Variants in THSD4 observed in about 807,000 individuals in gnomAD.
The protein encoded by THSD4 is thrombospondin type 1 domain containing 4.
A neutral mutation model predicts 119.0 loss-of-function variants in THSD4; 69 were observed. The ratio of observed to expected loss-of-function variants is 0.58; its 90% CI spans 0.48 to 0.71. The LOEUF is 0.71. Among genes scored for constraint, THSD4 ranks in the 30% least tolerant of loss-of-function variants. THSD4 has a pLI of 0.00. For missense variants in THSD4, 1,393 were observed against 1,391.1 expected, an observed-to-expected ratio of 1.00 and a Z score of -0.02; for synonymous variants, 524 against 540.4, an observed-to-expected ratio of 0.97 and a Z score of 0.42.
intron 7 of THSD4, among the ~76,000 whole-genome samples, chr15:71,649,733 T>G (rs928893571): frequency 1.3e-5 from 2 of 152,220 alleles, no homozygotes; most frequent in Non-Finnish European, 2.9e-5. Context: ...TTTGGCAGTT[T>G]GGGGTTTTAC....
chr15:71,538,067 CT>C (rs1306431563), intron 7 of THSD4, among the ~76,000 whole-genome samples: 22 of 152,120 alleles, frequency 1.4e-4, no homozygotes, highest in Middle Eastern at 6.8e-3. Context: ...GCCTATTTGT[CT>C]TTTAATTCTG....
intron 6 of THSD4, among the ~76,000 whole-genome samples, chr15:71,381,762 T>C (rs935286402): frequency 6.6e-6 from 1 of 152,230 alleles, no homozygotes. Context: ...GCTGCCGTAT[T>C]AGATTTTTAG....
intron 1 of THSD4, among the ~76,000 whole-genome samples, chr15:71,140,031 T>G (rs893813682): frequency 2.6e-5 from 4 of 152,362 alleles, no homozygotes; most frequent in Middle Eastern, 3.4e-3. Context: ...TTTTAGAAAT[T>G]TTGTTTAGTG....
intron 8 of THSD4, among the ~76,000 whole-genome samples, chr15:71,697,783 T>C (rs1425360660): frequency 2.0e-5 from 3 of 152,252 alleles, no homozygotes; most frequent in Non-Finnish European, 4.4e-5. Flanking sequence ...GGAGATGTTA[T>C]TGGTTATTTG....
rs1025505481 is a variant in THSD4, at chr15:71,378,315, A to G, written c.1016-33372A>G. The stretch of plus-strand genomic sequence containing the variant: ...ATGCCTTCACTATTCTTGTAAAGGC[A>G]TGATGAAAGTGGCCTGGAGAGCTCC... On this transcript the variant is annotated intron_variant, in intron 6 of 17. Coordinates refer to ENST00000261862, the MANE Select transcript of THSD4 (RefSeq NM_024817.3). Among the ~76,000 whole-genome samples, 6 of 152,206 alleles carry G rather than the reference A, an allele frequency of 3.9e-5. No individual in the cohort carries two copies. In the South Asian group the frequency reaches 1.2e-3, roughly 31 times the overall value.
chr15:71,550,141 C>A (rs1380516445), intron 7 of THSD4, among the ~76,000 whole-genome samples: 1 of 152,176 alleles, frequency 6.6e-6, no homozygotes, highest in East Asian at 1.9e-4. Flanking sequence ...TGGGGCGTAT[C>A]CCCGAAAAGA....
chr15:71,304,758 C>G (rs917263172), intron 6 of THSD4, among the ~76,000 whole-genome samples: 2 of 152,152 alleles, frequency 1.3e-5, no homozygotes, highest in African/African-American at 4.8e-5. Flanking sequence ...CAAAAAGTAA[C>G]CAAAATGTGT....
At chr15:71,261,715 A>G (rs1167437612) in intron 6 of THSD4, among the ~76,000 whole-genome samples, 1 of 152,222 alleles carries the variant, frequency 6.6e-6, no homozygotes, top group Non-Finnish European at 1.5e-5. Context: ...TACCAAAATC[A>G]GTGCATACTT....
intron 6 of THSD4, among the ~76,000 whole-genome samples, chr15:71,358,465 C>T (rs1191060109): frequency 1.3e-5 from 2 of 152,210 alleles, no homozygotes; most frequent in Non-Finnish European, 2.9e-5. Flanking sequence ...ATAGGACTGA[C>T]CTGTCCTCAT....
intron 6 of THSD4, 112 bp downstream of exon 6, chr15:71,256,827 A>G: frequency 1.1e-6 from 1 of 939,844 alleles, no homozygotes; most frequent in Non-Finnish European, 1.6e-6. Context: ...GGGTGTCAAT[A>G]GGGGAGAAAG....
intron 7 of THSD4, among the ~76,000 whole-genome samples, chr15:71,432,498 A>G (rs1478554445): frequency 6.7e-6 from 1 of 149,812 alleles, no homozygotes; most frequent in African/African-American, 2.4e-5. Flanking sequence ...CATGAAGCAT[A>G]TATAATCTGT....
chr15:71,469,203 C>A (rs962256867), intron 7 of THSD4, among the ~76,000 whole-genome samples: 3 of 152,114 alleles, frequency 2.0e-5, no homozygotes, highest in African/African-American at 7.2e-5. Context: ...AAAGAGAATT[C>A]TGCTTGATAA....
chr15:71,374,471 A>G (rs79895469), intron 6 of THSD4, among the ~76,000 whole-genome samples: 1 of 152,202 alleles, frequency 6.6e-6, no homozygotes, highest in Non-Finnish European at 1.5e-5. Context: ...GGATGCAATA[A>G]GAAGGGGATG....
chr15:71,415,459 C>T (rs1201769288), intron 7 of THSD4, among the ~76,000 whole-genome samples: 1 of 152,174 alleles, frequency 6.6e-6, no homozygotes, highest in African/African-American at 2.4e-5. Context: ...TAATTTGATA[C>T]AGGCAAACAA....
chr15:71,489,598 C>G (rs996672322), intron 7 of THSD4, among the ~76,000 whole-genome samples: 1 of 152,106 alleles, frequency 6.6e-6, no homozygotes, highest in Non-Finnish European at 1.5e-5. Context: ...AGACTCTCCC[C>G]TACTCCGCTT....
intron 6 of THSD4, among the ~76,000 whole-genome samples, chr15:71,377,620 G>A (rs1054759084): frequency 2.6e-5 from 4 of 151,948 alleles, no homozygotes; most frequent in Non-Finnish European, 4.4e-5. Context: ...GAAAGAGGGC[G>A]GGCGTGATGA....
intron 7 of THSD4, among the ~76,000 whole-genome samples, chr15:71,423,796 T>G (rs2046837292): frequency 6.6e-6 from 1 of 152,146 alleles, no homozygotes; most frequent in South Asian, 2.1e-4. Flanking sequence ...TCAGGTACAT[T>G]TAGGACCCCA....
At chr15:71,336,244 G>C (rs547024109) in intron 6 of THSD4, among the ~76,000 whole-genome samples, 1 of 152,198 alleles carries the variant, frequency 6.6e-6, no homozygotes, top group Admixed American at 6.5e-5. Flanking sequence ...ACCTTGGTCT[G>C]AGTGGTGAGG....
chr15:71,148,523 T>C (rs2040687747), intron 2 of THSD4, among the ~76,000 whole-genome samples: 1 of 152,192 alleles, frequency 6.6e-6, no homozygotes, highest in Non-Finnish European at 1.5e-5. Flanking sequence ...GCATTTTTTT[T>C]TTAAGTTTGG....
Sources: gnomAD v4.1 joint callset for allele counts (sites outside exome capture counted in the v4.1 genomes callset) on GRCh38, gnomAD v4.1.1 for gene constraint, MANE v1.5 for transcripts, NCBI Gene and HGNC (gene_info 2026-07-23, HGNC 2026-07-21) for gene names.